The following EEFSEC variants were observed in gnomAD, a reference collection of about 807,000 sequenced individuals.
EEFSEC encodes selenocysteine-specific elongation factor.
In EEFSEC, 43 loss-of-function variants were observed where a neutral mutation model predicts 42.1. That is an observed-to-expected ratio of 1.02 (90% confidence interval 0.80 to 1.32). The LOEUF is 1.32. Ranked by LOEUF, EEFSEC falls within the 40% of genes most tolerant of loss-of-function variation. The pLI is 0.00. For missense variants in EEFSEC, 745 were observed against 803.6 expected (o/e 0.93, Z 0.88); for synonymous variants, 354 against 339.1 (o/e 1.04, Z -0.48).
intron 1 of EEFSEC, among the ~76,000 whole-genome samples, chr3:128,164,864 A>T (rs1559850162): frequency 6.6e-6 from 1 of 151,968 alleles, no homozygotes; most frequent in Non-Finnish European, 1.5e-5. Context: ...TGAGGAGAGG[A>T]CTGTGACAAG....
At chr3:128,405,569 A>G (rs1387841265) in intron 6 of EEFSEC, among the ~76,000 whole-genome samples, 1 of 152,222 alleles carries the variant, frequency 6.6e-6, no homozygotes, top group Non-Finnish European at 1.5e-5. Flanking sequence ...CATCTTCAGG[A>G]AACTGAGCCA....
chr3:128,161,280 G>T (rs1228451180), intron 1 of EEFSEC, among the ~76,000 whole-genome samples: 1 of 152,130 alleles, frequency 6.6e-6, no homozygotes, highest in East Asian at 1.9e-4. Flanking sequence ...GACTTGGGTG[G>T]GTGTGAGGGA....
At chr3:128,291,523 T>C (rs2066643916) in intron 4 of EEFSEC, among the ~76,000 whole-genome samples, 1 of 152,226 alleles carries the variant, frequency 6.6e-6, no homozygotes, top group Non-Finnish European at 1.5e-5. Flanking sequence ...ATATTGGAAT[T>C]CTCAGCCTCC....
chr3:128,295,293 G>A (rs929839201), intron 4 of EEFSEC, among the ~76,000 whole-genome samples: 13 of 152,102 alleles, frequency 8.5e-5, no homozygotes, highest in African/African-American at 3.1e-4. Flanking sequence ...GGAAGCAAAG[G>A]AAGCAAGTTC....
intron 1 of EEFSEC, among the ~76,000 whole-genome samples, chr3:128,203,264 C>T (rs2065660772): frequency 6.6e-6 from 1 of 152,206 alleles, no homozygotes; most frequent in Non-Finnish European, 1.5e-5. Flanking sequence ...TGATTTTTAT[C>T]CATTTAGTGA....
At chr3:128,176,287 G>A (rs948972829) in intron 1 of EEFSEC, among the ~76,000 whole-genome samples, 6 of 151,984 alleles carry the variant, frequency 3.9e-5, no homozygotes, top group Non-Finnish European at 8.8e-5. Context: ...AATCCGATTG[G>A]AGAGAAACTA....
chr3:128,237,211 G>A (rs1473774582), intron 1 of EEFSEC, among the ~76,000 whole-genome samples: 3 of 152,080 alleles, frequency 2.0e-5, no homozygotes, highest in Non-Finnish European at 2.9e-5. Context: ...GGACTTTATC[G>A]TATTTTCCTA....
At chr3:128,256,980 A>G (rs1425478474) in intron 2 of EEFSEC, among the ~76,000 whole-genome samples, 3 of 152,140 alleles carry the variant, frequency 2.0e-5, no homozygotes, top group African/African-American at 7.2e-5. Flanking sequence ...CCTGGCCTCA[A>G]GTGATCCTCC....
intron 2 of EEFSEC, among the ~76,000 whole-genome samples, chr3:128,256,580 G>A (rs908658643): frequency 6.6e-6 from 1 of 152,188 alleles, no homozygotes; most frequent in Admixed American, 6.5e-5. Flanking sequence ...ATGTGGATTT[G>A]AGTTCTGAAT....
chr3:128,298,071 C>T (rs1016184177), intron 4 of EEFSEC, among the ~76,000 whole-genome samples: 4 of 152,246 alleles, frequency 2.6e-5, no homozygotes, highest in Non-Finnish European at 5.9e-5. Flanking sequence ...ACACAGGCTT[C>T]AAGAAATCAC....
intron 4 of EEFSEC, among the ~76,000 whole-genome samples, chr3:128,299,815 C>T (rs552196836): frequency 2.6e-5 from 4 of 152,346 alleles, no homozygotes; most frequent in African/African-American, 9.6e-5. Context: ...CCTTAGCCTT[C>T]TTCTTCGTTG....
intron 6 of EEFSEC, among the ~76,000 whole-genome samples, chr3:128,399,301 C>T (rs1241645778): frequency 6.6e-6 from 1 of 152,084 alleles, no homozygotes; most frequent in East Asian, 1.9e-4. Context: ...AGGAATTAGG[C>T]AACATTAAGA....
chr3:128,420,030 A>G, the EEFSEC span, among the ~76,000 whole-genome samples: 1 of 152,198 alleles, frequency 6.6e-6, no homozygotes, highest in Non-Finnish European at 1.5e-5. Flanking sequence ...GCCAGGAGAG[A>G]CAGAGACAGT....
chr3:128,159,444 T>G (rs1332087017), intron 1 of EEFSEC, among the ~76,000 whole-genome samples: 1 of 152,244 alleles, frequency 6.6e-6, no homozygotes, highest in Non-Finnish European at 1.5e-5. Flanking sequence ...TCCTCCTCCC[T>G]CTGATTCATT....
chr3:128,392,805 G>A (rs1333627965), intron 6 of EEFSEC, among the ~76,000 whole-genome samples: 2 of 152,240 alleles, frequency 1.3e-5, no homozygotes, highest in African/African-American at 4.8e-5. Context: ...GGCTGCTCGG[G>A]TGCTGCCCTA....
chr3:128,161,222 T>A (rs1176971036), intron 1 of EEFSEC, among the ~76,000 whole-genome samples: 3 of 152,182 alleles, frequency 2.0e-5, no homozygotes, highest in Non-Finnish European at 4.4e-5. Context: ...AGAGTATAAA[T>A]CTTTCAGGGT....
chr3:128,281,799 A>T (rs1463939345), intron 4 of EEFSEC, among the ~76,000 whole-genome samples: 1 of 152,002 alleles, frequency 6.6e-6, no homozygotes, highest in Admixed American at 6.5e-5. Flanking sequence ...GGGGGTTTTG[A>T]GCCTTATGGC....
chr3:128,424,230 C>T, the EEFSEC span, among the ~76,000 whole-genome samples: 1 of 152,202 alleles, frequency 6.6e-6, no homozygotes, highest in Non-Finnish European at 1.5e-5. Context: ...CTCCCCAAGC[C>T]TCAGTCTGCT....
chr3:128,306,668 G>T (rs1191907793), intron 4 of EEFSEC, among the ~76,000 whole-genome samples: 1 of 152,120 alleles, frequency 6.6e-6, no homozygotes, highest in Non-Finnish European at 1.5e-5. Context: ...CTGTAAAATG[G>T]GTAGTTGAAA....
Sources: gnomAD v4.1 joint callset for allele counts (sites outside exome capture counted in the v4.1 genomes callset) on GRCh38, gnomAD v4.1.1 for gene constraint, MANE v1.5 for transcripts, NCBI Gene and HGNC (gene_info 2026-07-23, HGNC 2026-07-21) for gene names.